Variants in CNTN4 observed in about 807,000 individuals in gnomAD.
The protein encoded by CNTN4 is contactin 4, also known as contactin-4.
In CNTN4, 77 loss-of-function variants were observed where a neutral mutation model predicts 122.5. The observed-to-expected ratio is 0.63, with a 90% confidence interval of 0.52 to 0.76. The LOEUF is 0.76. Ranked by LOEUF, CNTN4 falls within the 30% of genes least tolerant of loss-of-function variation. The probability of loss-of-function intolerance (pLI) is 0.00; values close to 1 mark genes in which losing one functional copy is unlikely to be tolerated. For missense variants in CNTN4, 1,256 were observed against 1,259.1 expected (o/e 1.00, Z 0.04); for synonymous variants, 512 against 447.0 (o/e 1.15, Z -1.83).
At chr3:2,894,655 T>G (rs74499486) in intron 10 of CNTN4, among the ~76,000 whole-genome samples, 2,648 of 152,052 alleles carry the variant, frequency 0.017, 96 homozygotes, top group African/African-American at 0.061. Context: ...TGGATTCAGC[T>G]GAGTAAGAGC....
intron 3 of CNTN4, among the ~76,000 whole-genome samples, chr3:2,485,471 C>G (rs2151620279): frequency 6.6e-6 from 1 of 152,292 alleles, no homozygotes; most frequent in Non-Finnish European, 1.5e-5. Context: ...TTTGTAAATG[C>G]ACCAATTAGC....
At chr3:2,371,838 A>T (rs2045644440) in intron 3 of CNTN4, among the ~76,000 whole-genome samples, 2 of 152,214 alleles carry the variant, frequency 1.3e-5, no homozygotes. Flanking sequence ...ATTTCTATTC[A>T]CTAATTTCCT....
intron 2 of CNTN4, among the ~76,000 whole-genome samples, chr3:2,225,437 C>T (rs1471304837): frequency 6.6e-6 from 1 of 151,714 alleles, no homozygotes; most frequent in Non-Finnish European, 1.5e-5. Context: ...TGCTTAAATC[C>T]GGGTGGCAGA....
chr3:2,151,499 C>T (rs1030863874), intron 2 of CNTN4, among the ~76,000 whole-genome samples: 1 of 152,008 alleles, frequency 6.6e-6, no homozygotes, highest in African/African-American at 2.4e-5. Context: ...CTTCTATGTT[C>T]CAGGTGCTAT....
At chr3:2,788,886 G>C (rs1228037986) in intron 6 of CNTN4, among the ~76,000 whole-genome samples, 1 of 152,120 alleles carries the variant, frequency 6.6e-6, no homozygotes, top group Non-Finnish European at 1.5e-5. Context: ...AGATATAACA[G>C]TCAAAGACTT....
intron 4 of CNTN4, among the ~76,000 whole-genome samples, chr3:2,735,599 G>C (rs1419023584): frequency 6.6e-6 from 1 of 152,130 alleles, no homozygotes; most frequent in Non-Finnish European, 1.5e-5. Flanking sequence ...ATTTATGCAA[G>C]GTAGACCATA....
chr3:2,790,485 G>A (rs886721531), intron 6 of CNTN4, among the ~76,000 whole-genome samples: 3 of 152,194 alleles, frequency 2.0e-5, no homozygotes. Context: ...GTCAAGCACA[G>A]CAAAGTAAGG....
intron 2 of CNTN4, among the ~76,000 whole-genome samples, chr3:2,241,649 C>T (rs939785944): frequency 4.6e-5 from 7 of 152,186 alleles, no homozygotes; most frequent in African/African-American, 1.7e-4. Flanking sequence ...CACTGGAGCT[C>T]ATCCAGAACA....
At chr3:2,451,719 A>G (rs2048836729) in intron 3 of CNTN4, among the ~76,000 whole-genome samples, 1 of 152,158 alleles carries the variant, frequency 6.6e-6, no homozygotes, top group African/African-American at 2.4e-5. Context: ...GCGCTGATGA[A>G]GTAAGTATTC....
intron 3 of CNTN4, among the ~76,000 whole-genome samples, chr3:2,435,757 A>G (rs1482504486): frequency 6.6e-6 from 1 of 152,224 alleles, no homozygotes; most frequent in Non-Finnish European, 1.5e-5. Context: ...CTGGTAGGTT[A>G]TTTAAAAATA....
intron 4 of CNTN4, among the ~76,000 whole-genome samples, chr3:2,694,848 G>T (rs1046824249): frequency 6.6e-6 from 1 of 152,166 alleles, no homozygotes; most frequent in Non-Finnish European, 1.5e-5. Context: ...AGAACATGTA[G>T]TTTGAGGAGT....
chr3:2,535,010 A>G (rs2077745387), intron 3 of CNTN4, among the ~76,000 whole-genome samples: 1 of 152,128 alleles, frequency 6.6e-6, no homozygotes. Flanking sequence ...CTTCAGCTCT[A>G]AAGGACCTTC....
At chr3:2,510,817 A>C (rs1199149401) in intron 3 of CNTN4, among the ~76,000 whole-genome samples, 4 of 152,146 alleles carry the variant, frequency 2.6e-5, no homozygotes. Context: ...CCCTGACTGC[A>C]TCACGATGCA....
At chr3:2,479,812 C>T (rs1461856246) in intron 3 of CNTN4, among the ~76,000 whole-genome samples, 1 of 152,094 alleles carries the variant, frequency 6.6e-6, no homozygotes, top group East Asian at 1.9e-4. Flanking sequence ...AAACACATTA[C>T]AAGAAAATAA....
intron 3 of CNTN4, among the ~76,000 whole-genome samples, chr3:2,356,548 A>G (rs940335367): frequency 6.6e-5 from 10 of 152,190 alleles, no homozygotes; most frequent in Non-Finnish European, 8.8e-5. Context: ...TCTCTTCACT[A>G]TCTTGGTTTT....
At chr3:2,214,167 G>A (rs182338069) in intron 2 of CNTN4, among the ~76,000 whole-genome samples, 19 of 152,254 alleles carry the variant, frequency 1.2e-4, no homozygotes, top group African/African-American at 4.3e-4. Context: ...CTGAAGATAA[G>A]GTGAGTAATG....
chr3:2,260,752 G>T (rs2040804205), intron 2 of CNTN4, among the ~76,000 whole-genome samples: 1 of 149,348 alleles, frequency 6.7e-6, no homozygotes. Context: ...TGAGACAAGA[G>T]TCTCGCTCTC....
chr3:2,276,924 T>G (rs1467856987), intron 2 of CNTN4, among the ~76,000 whole-genome samples: 1 of 152,114 alleles, frequency 6.6e-6, no homozygotes, highest in Non-Finnish European at 1.5e-5. Flanking sequence ...AAGGGTTTGG[T>G]CTACAAATAT....
At chr3:2,186,047 G>C (rs140798559) in intron 2 of CNTN4, among the ~76,000 whole-genome samples, 1 of 151,770 alleles carries the variant, frequency 6.6e-6, no homozygotes, top group South Asian at 2.1e-4. Context: ...CGTCATTTAC[G>C]TTAGGTATGT....
Sources: allele counts gnomAD v4.1 joint callset (sites outside exome capture counted in the v4.1 genomes callset), GRCh38; gene constraint gnomAD v4.1.1; transcripts MANE v1.5; gene names NCBI Gene and HGNC (gene_info 2026-07-23, HGNC 2026-07-21).